The following MAGI2 variants were observed in gnomAD, a reference collection of about 807,000 sequenced individuals.
MAGI2 encodes the protein membrane-associated guanylate kinase, WW and PDZ domain-containing protein 2.
In MAGI2, 35 loss-of-function variants were observed where a neutral mutation model predicts 133.3. That is an observed-to-expected ratio of 0.26 (90% CI 0.20 to 0.35). The LOEUF (loss-of-function observed/expected upper bound fraction) is 0.35. Ranked by LOEUF, MAGI2 falls within the 10% of genes least tolerant of loss-of-function variation. The probability of loss-of-function intolerance (pLI) is 1.00; values close to 1 mark genes in which losing one functional copy is unlikely to be tolerated. For missense variants in MAGI2, 1,636 were observed against 1,863.4 expected (o/e 0.88, Z 2.25); for synonymous variants, 729 against 710.6 (o/e 1.03, Z -0.41).
At chr7:78,906,791 T>TAC (rs1490098510) in intron 2 of MAGI2, among the ~76,000 whole-genome samples, 6 of 152,108 alleles carry the variant, frequency 3.9e-5, no homozygotes, top group South Asian at 4.1e-4. Context: ...GGGAGCTTCA[T>TAC]ACACACACAC....
At chr7:79,275,927 A>G (rs1835198779) in intron 1 of MAGI2, among the ~76,000 whole-genome samples, 1 of 152,198 alleles carries the variant, frequency 6.6e-6, no homozygotes, top group Admixed American at 6.5e-5. Flanking sequence ...TCAGAAAAAA[A>G]GATTCCTTTC....
intron 9 of MAGI2, among the ~76,000 whole-genome samples, chr7:78,268,441 AGTCAG>A (rs1794230870): frequency 6.6e-6 from 1 of 152,198 alleles, no homozygotes; most frequent in African/African-American, 2.4e-5. Context: ...TATGCCAAGA[AGTCAG>A]TCAAGCATTC....
chr7:78,892,212 G>T (rs967338275), intron 2 of MAGI2, among the ~76,000 whole-genome samples: 1 of 152,084 alleles, frequency 6.6e-6, no homozygotes, highest in Non-Finnish European at 1.5e-5. Context: ...ACAAACCACT[G>T]CTCAACGAAA....
At chr7:78,600,031 C>G (rs1805023287) in intron 3 of MAGI2, among the ~76,000 whole-genome samples, 1 of 152,118 alleles carries the variant, frequency 6.6e-6, no homozygotes, top group African/African-American at 2.4e-5. Flanking sequence ...CTCTTCAATG[C>G]CTAGTTGACC....
chr7:78,971,802 G>C (rs1358677234), intron 2 of MAGI2, among the ~76,000 whole-genome samples: 2 of 151,846 alleles, frequency 1.3e-5, no homozygotes, highest in African/African-American at 4.8e-5. Context: ...CTGTATAATG[G>C]GGGTTTCATC....
Position 79,234,581 on chromosome 7 carries a change from C to G in MAGI2, c.301+218439G>C, listed in dbSNP as rs1044500624. The stretch of plus-strand genomic sequence containing the variant: ...GCTGACACCCTTTCTTCCAGTTGAT[C>G]GCATCGGCTCCTGAGGCTTCTGCAT... On this transcript the variant is annotated intron_variant, in intron 1 of 21. Coordinates refer to ENST00000354212, the MANE Select transcript of MAGI2 (RefSeq NM_012301.4). Among the ~76,000 whole-genome samples the G allele has an allele frequency of 6.6e-5, 10 of 152,178 alleles. No individual in the cohort carries two copies. In the South Asian group the frequency reaches 2.1e-3, roughly 32 times the overall value.
chr7:79,067,299 C>A (rs7794761), intron 1 of MAGI2, among the ~76,000 whole-genome samples: 5,525 of 152,188 alleles, frequency 0.036, 313 homozygotes, highest in African/African-American at 0.12. Context: ...GTTTGTAGTT[C>A]TCCTTGAAGA....
At chr7:78,729,699 T>C (rs1435084764) in intron 2 of MAGI2, among the ~76,000 whole-genome samples, 2 of 152,236 alleles carry the variant, frequency 1.3e-5, no homozygotes, top group Non-Finnish European at 2.9e-5. Flanking sequence ...CATACTGTTT[T>C]GTCAGATGCC....
At chr7:78,667,515 T>C (rs1230089157) in intron 2 of MAGI2, among the ~76,000 whole-genome samples, 2 of 151,746 alleles carry the variant, frequency 1.3e-5, no homozygotes, top group East Asian at 1.9e-4. Flanking sequence ...GCATTAGGTA[T>C]ATCTCCTAAT....
intron 1 of MAGI2, among the ~76,000 whole-genome samples, chr7:79,445,716 T>C (rs1848805193): frequency 6.6e-6 from 1 of 152,194 alleles, no homozygotes; most frequent in African/African-American, 2.4e-5. Flanking sequence ...ACACTGTTGG[T>C]GGGACTGTAA....
At chr7:78,184,046 A>G (rs1827452308) in intron 13 of MAGI2, among the ~76,000 whole-genome samples, 1 of 152,232 alleles carries the variant, frequency 6.6e-6, no homozygotes, top group Non-Finnish European at 1.5e-5. Context: ...TAAAAAGGTA[A>G]AAACTATTAC....
intron 3 of MAGI2, among the ~76,000 whole-genome samples, chr7:78,531,595 G>A (rs1479743709): frequency 1.3e-5 from 2 of 152,274 alleles, no homozygotes; most frequent in East Asian, 3.9e-4. Flanking sequence ...AAAGGAAAGT[G>A]AAATTTTGAC....
At chr7:78,254,324 G>A (rs1466758705) in intron 10 of MAGI2, 1 of 152,158 alleles carries the variant, frequency 6.6e-6, no homozygotes, top group Non-Finnish European at 1.5e-5. Flanking sequence ...TCATACAGTG[G>A]ATACTGCACA....
intron 1 of MAGI2, among the ~76,000 whole-genome samples, chr7:79,027,601 A>G (rs540110087): frequency 9.2e-5 from 14 of 152,166 alleles, no homozygotes; most frequent in Non-Finnish European, 1.9e-4. Flanking sequence ...TTATTTTTAG[A>G]TATACTGCAC....
intron 6 of MAGI2, among the ~76,000 whole-genome samples, chr7:78,395,078 G>A (rs1332708816): frequency 6.6e-6 from 1 of 152,180 alleles, no homozygotes; most frequent in Non-Finnish European, 1.5e-5. Context: ...ATAATTTATT[G>A]AGAAACATTC....
At chr7:78,680,732 A>G (rs1333364582) in intron 2 of MAGI2, among the ~76,000 whole-genome samples, 1 of 152,166 alleles carries the variant, frequency 6.6e-6, no homozygotes, top group Admixed American at 6.6e-5. Flanking sequence ...GAGCTGACCT[A>G]AATCCCTCTT....
At chr7:78,291,750 C>T (rs1370374929) in intron 9 of MAGI2, among the ~76,000 whole-genome samples, 1 of 152,222 alleles carries the variant, frequency 6.6e-6, no homozygotes, top group Non-Finnish European at 1.5e-5. Flanking sequence ...AAGTGGGCTT[C>T]ATCCCTGGGA....
At chr7:79,077,068 T>G (rs1584870860) in intron 1 of MAGI2, among the ~76,000 whole-genome samples, 1 of 152,110 alleles carries the variant, frequency 6.6e-6, no homozygotes, top group East Asian at 1.9e-4. Flanking sequence ...GAATCTTGAG[T>G]GACACAAGGG....
At chr7:78,333,435 G>T (rs181358707) in intron 9 of MAGI2, among the ~76,000 whole-genome samples, 1 of 150,072 alleles carries the variant, frequency 6.7e-6, no homozygotes, top group Non-Finnish European at 1.5e-5. Context: ...CCACCAAAAG[G>T]TTCCCCCTTC....
Sources: allele counts gnomAD v4.1 joint callset (sites outside exome capture counted in the v4.1 genomes callset), GRCh38; gene constraint gnomAD v4.1.1; transcripts MANE v1.5; gene names NCBI Gene and HGNC (gene_info 2026-07-23, HGNC 2026-07-21).